Variants in PCDH19 observed in about 807,000 individuals in gnomAD.
The protein encoded by PCDH19 is protocadherin-19.
In PCDH19, 6 loss-of-function variants were observed where a neutral mutation model predicts 46.2. That is an observed-to-expected ratio of 0.13 (90% CI 0.07 to 0.26). The LOEUF (loss-of-function observed/expected upper bound fraction) is 0.26, where lower values mean the gene tolerates loss of function less well. Ranked by LOEUF, PCDH19 falls within the 10% of genes least tolerant of loss-of-function variation. The probability of loss-of-function intolerance (pLI) is 1.00; values close to 1 mark genes in which losing one functional copy is unlikely to be tolerated. For missense variants in PCDH19, 740 were observed against 972.3 expected, an observed-to-expected ratio of 0.76 and a Z score of 3.18; for synonymous variants, 481 against 415.7, an observed-to-expected ratio of 1.16 and a Z score of -1.91.
At chrX:100,332,579 A>G (rs938814222) in intron 5 of PCDH19, among the ~76,000 whole-genome samples, 1 of 111,517 alleles carries the variant, frequency 9.0e-6, no homozygotes, top group Non-Finnish European at 1.9e-5. Flanking sequence ...TTAATTCCCC[A>G]TATTTATTTC....
In PCDH19 at chrX:100,402,838, A is replaced by G. The variant is rs773207108; in HGVS notation, c.2302T>C (p.Ser768Pro). 3 of 1,205,274 alleles carry G rather than the reference A, an allele frequency of 2.5e-6. No individual in the cohort carries two copies. In the East Asian group the frequency reaches 8.9e-5, roughly 36 times the overall value. ...SLRGKRIAEY[S>P]YGHQKKSSKK... ...CTTGATTTCTTTTGATGCCCATAGG[A>G]GTACTCAGCAATTCTATGTGACAGA... The change falls in exon 3 of 6, where the codon TCC becomes CCC. Residue 768 changes from serine (S) to proline (P), a missense_variant. Physicochemically the swap from Ser to Pro is moderately conservative, Grantham distance 74 (BLOSUM62 -1). Coordinates refer to ENST00000373034, the MANE Select transcript of PCDH19 (RefSeq NM_001184880.2).
intron 5 of PCDH19, among the ~76,000 whole-genome samples, chrX:100,329,229 TGA>T (rs1251921272): frequency 1.8e-5 from 2 of 112,648 alleles, no homozygotes; most frequent in African/African-American, 6.5e-5. Flanking sequence ...TTGATGAAGC[TGA>T]GAGAGGCATA....
chrX:100,318,639 C>A (rs751034449), intron 5 of PCDH19, among the ~76,000 whole-genome samples: 41 of 111,817 alleles, frequency 3.7e-4, no homozygotes, highest in Non-Finnish European at 5.5e-4. Context: ...TTTAACAGGT[C>A]CCTTGAAATA....
intron 5 of PCDH19, among the ~76,000 whole-genome samples, chrX:100,328,554 T>C (rs959339078): frequency 1.8e-5 from 2 of 111,174 alleles, no homozygotes; most frequent in African/African-American, 6.6e-5. Flanking sequence ...CCTCAGGCAA[T>C]CAAAACAAAT....
chrX:100,404,607 T>C (rs1373980060), intron 1 of PCDH19, among the ~76,000 whole-genome samples: 1 of 78,782 alleles, frequency 1.3e-5, no homozygotes, highest in Non-Finnish European at 2.5e-5. Context: ...GCACTGAGAT[T>C]TACTCTTTTT....
chrX:100,352,074 T>C (rs1312620206), intron 3 of PCDH19, among the ~76,000 whole-genome samples: 4 of 112,836 alleles, frequency 3.5e-5, no homozygotes, highest in African/African-American at 1.3e-4. Flanking sequence ...CATTTGAAGA[T>C]GCACTGTGTA....
chrX:100,376,909 T>C lies in PCDH19; in HGVS notation c.2616+25615A>G, dbSNP rs1927403807. Among the ~76,000 whole-genome samples, 4 of 112,445 alleles carry C rather than the reference T, an allele frequency of 3.6e-5. No homozygotes were observed. The Admixed American group carries it at 3.8e-4, about 11-fold the overall frequency. ...CAATAAAATCACAACTGGTAATGCC[T>C]TCTCCACTTTCTGTTGCTTGTGGGA... On this transcript the variant is annotated intron_variant, in intron 3 of 5. Coordinates refer to ENST00000373034, the MANE Select transcript of PCDH19 (RefSeq NM_001184880.2).
chrX:100,317,821 G>C (rs1450038097), intron 5 of PCDH19, among the ~76,000 whole-genome samples: 1 of 111,527 alleles, frequency 9.0e-6, no homozygotes, highest in Non-Finnish European at 1.9e-5. Context: ...AAAAGATAGA[G>C]TGTAAGCTTG....
chrX:100,300,831 C>T (rs1270715858), intron 5 of PCDH19, among the ~76,000 whole-genome samples: 5 of 105,338 alleles, frequency 4.7e-5, no homozygotes, highest in Non-Finnish European at 9.7e-5. Flanking sequence ...GTGAAAGTTT[C>T]TTCAATCTAC....
intron 5 of PCDH19, among the ~76,000 whole-genome samples, chrX:100,323,279 C>G (rs777604785): frequency 9.0e-6 from 1 of 111,456 alleles, no homozygotes; most frequent in Non-Finnish European, 1.9e-5. Context: ...ATACTTCTGA[C>G]TCCCTGATCT....
Position 100,407,165 on chromosome X carries a change from C to T in PCDH19, c.1433G>A (p.Arg478His), listed in dbSNP as rs758764525. ...GCCGTTGAGACCCAGGTCGGGGTCGCGAGCAGACACAGAGAGCAGATAGGC... is the reference window on the plus strand; with the variant it reads ...GCCGTTGAGACCCAGGTCGGGGTCGTGAGCAGACACAGAGAGCAGATAGGC... ...PGAYLLSVSA[R>H]DPDLGLNGSV... Residue 478 changes from arginine to histidine, a missense_variant, in exon 1 of 6, where the codon CGC (arginine) becomes CAC (histidine). By Grantham distance (29) the Arg-to-His change is conservative. Transcript: ENST00000373034. 2 of 1,211,603 alleles carry T rather than the reference C, an allele frequency of 1.7e-6. No individual in the cohort carries two copies. The highest frequency in any genetic ancestry group is 1.1e-6 in the Non-Finnish European group (1 of 895,464).
chrX:100,346,761 T>C (rs183587657), intron 4 of PCDH19, among the ~76,000 whole-genome samples: 18 of 112,367 alleles, frequency 1.6e-4, no homozygotes, highest in African/African-American at 5.8e-4. Context: ...CTTTCCACGC[T>C]GAGTCAGTGC....
chrX:100,371,872 ACACACACACACC>A (rs1457185095), intron 3 of PCDH19, among the ~76,000 whole-genome samples: 3 of 107,036 alleles, frequency 2.8e-5, no homozygotes, highest in African/African-American at 1.1e-4. Context: ...ACACACACAC[ACACACACACACC>A]CACACAAAAC....
rs1927162508 is a variant in PCDH19, at chrX:100,369,592, T to C, written c.2617-18888A>G. Among the ~76,000 whole-genome samples, 3 of 112,512 alleles carry C rather than the reference T, an allele frequency of 2.7e-5. No homozygotes were observed. In the South Asian group the frequency reaches 1.1e-3, roughly 41 times the overall value. On this transcript the variant is annotated intron_variant, in intron 3 of 5. Coordinates refer to ENST00000373034, the MANE Select transcript of PCDH19 (RefSeq NM_001184880.2). ...CACTAAGAAGAATGTGTCATGCTTT[T>C]GTGAAAGTTTAGTTTTAGTCTCTTC...
intron 3 of PCDH19, among the ~76,000 whole-genome samples, chrX:100,354,168 G>C (rs1215082121): frequency 9.0e-6 from 1 of 111,703 alleles, no homozygotes; most frequent in Non-Finnish European, 1.9e-5. Flanking sequence ...AGCTCATACT[G>C]GTTCAAGGTG....
chrX:100,328,745 T>A (rs987196781), intron 5 of PCDH19, among the ~76,000 whole-genome samples: 2 of 112,308 alleles, frequency 1.8e-5, no homozygotes, highest in Non-Finnish European at 3.8e-5. Context: ...TCCTGGCATT[T>A]TAATTACCAA....
At chrX:100,393,963 C>T (rs1031174940) in intron 3 of PCDH19, among the ~76,000 whole-genome samples, 1 of 111,726 alleles carries the variant, frequency 9.0e-6, no homozygotes, top group Non-Finnish European at 1.9e-5. Flanking sequence ...GTCAGGAGTT[C>T]GAGACCACCC....
chrX:100,370,471 T>A (rs564503791), intron 3 of PCDH19, among the ~76,000 whole-genome samples: 2 of 112,222 alleles, frequency 1.8e-5, no homozygotes, highest in Non-Finnish European at 3.8e-5. Context: ...CTTTTGTTCT[T>A]CTATGCCCCT....
At chrX:100,362,124 T>C (rs1926901990) in intron 3 of PCDH19, among the ~76,000 whole-genome samples, 1 of 111,809 alleles carries the variant, frequency 8.9e-6, no homozygotes, top group Admixed American at 9.5e-5. Context: ...ACCAGTGTGG[T>C]TGATGTGTCC....
Sources: gnomAD v4.1 joint callset for allele counts (sites outside exome capture counted in the v4.1 genomes callset) on GRCh38, gnomAD v4.1.1 for gene constraint, MANE v1.5 for transcripts, NCBI Gene and HGNC (gene_info 2026-07-23, HGNC 2026-07-21) for gene names.